Variants in MCC observed in about 807,000 individuals in gnomAD.
The protein encoded by MCC is colorectal mutant cancer protein.
In MCC, 90 loss-of-function variants were observed where a neutral mutation model predicts 116.2. The ratio of observed to expected loss-of-function variants is 0.77; its 90% confidence interval spans 0.65 to 0.92. The LOEUF (loss-of-function observed/expected upper bound fraction) is 0.92. Among genes scored for constraint, MCC ranks in the 40% least tolerant of loss-of-function variants. MCC has a pLI of 0.00. For missense variants in MCC, 1,516 were observed against 1,312.2 expected (o/e 1.16, Z -2.40); for synonymous variants, 578 against 510.5 (o/e 1.13, Z -1.78).
intron 15 of MCC, among the ~76,000 whole-genome samples, chr5:113,049,925 C>T (rs1325935546): frequency 1.3e-5 from 2 of 152,200 alleles, no homozygotes; most frequent in Non-Finnish European, 2.9e-5. Context: ...CAGACAACTT[C>T]TAAAAGTATC....
chr5:113,310,907 A>T (rs1022866225), intron 3 of MCC, among the ~76,000 whole-genome samples: 18 of 152,248 alleles, frequency 1.2e-4, no homozygotes, highest in African/African-American at 3.9e-4. Flanking sequence ...CATTAAAAAA[A>T]TATTTATCAC....
At position 113,084,080 on chromosome 5, in the gene MCC, T is replaced by G. The variant is rs746288509; in HGVS notation, c.1635+21A>C. 1.5e-5 allele frequency: 24 copies of G among 1,606,726 alleles called. 2 individuals carry two copies. In the South Asian group the frequency reaches 2.6e-4, roughly 18 times the overall value. ...TAGCTCTGCCGGGTACTTTCTTGCC[T>G]TGCTTCTCATGAACACTCACCCCTA... is the stretch of plus-strand genomic sequence containing the variant. On this transcript the variant is annotated intron_variant, in intron 10 of 18. Coordinates refer to ENST00000408903, the MANE Select transcript of MCC (RefSeq NM_001085377.2).
chr5:113,388,009 C>T (rs563715162), intron 1 of MCC, among the ~76,000 whole-genome samples: 34 of 152,198 alleles, frequency 2.2e-4, no homozygotes, highest in Non-Finnish European at 4.6e-4. Context: ...CCCACCCTTC[C>T]TCCCTGCTGG....
At chr5:113,075,274 G>A (rs994669678) in intron 11 of MCC, among the ~76,000 whole-genome samples, 12 of 152,234 alleles carry the variant, frequency 7.9e-5, no homozygotes, top group South Asian at 2.1e-4. Context: ...GCCTCCCCGC[G>A]GAGCAGGGCT....
At chr5:113,483,008 AT>A (rs987979837) in intron 1 of MCC, among the ~76,000 whole-genome samples, 140 of 152,044 alleles carry the variant, frequency 9.2e-4, no homozygotes, top group Middle Eastern at 3.4e-3. Context: ...CAAAAAGACT[AT>A]TTTTTCCCCC....
intron 1 of MCC, among the ~76,000 whole-genome samples, chr5:113,468,495 C>G (rs1306231261): frequency 6.6e-6 from 1 of 152,098 alleles, no homozygotes; most frequent in Non-Finnish European, 1.5e-5. Flanking sequence ...TATTGATTTG[C>G]GTATGTTGAA....
chr5:113,350,580 T>C (rs1309405648), intron 2 of MCC, among the ~76,000 whole-genome samples: 1 of 152,074 alleles, frequency 6.6e-6, no homozygotes, highest in Non-Finnish European at 1.5e-5. Flanking sequence ...ACTATGAAAC[T>C]ATAACAAGAA....
chr5:113,210,305 A>AT (rs1763080914), intron 3 of MCC, among the ~76,000 whole-genome samples: 1 of 152,186 alleles, frequency 6.6e-6, no homozygotes. Context: ...ATTCTCTCTT[A>AT]AATATTTATT....
chr5:113,407,416 C>T (rs1197472491), intron 1 of MCC, among the ~76,000 whole-genome samples: 1 of 152,136 alleles, frequency 6.6e-6, no homozygotes, highest in Non-Finnish European at 1.5e-5. Context: ...TATGACTGAA[C>T]CTCTCTCAGT....
intron 2 of MCC, among the ~76,000 whole-genome samples, chr5:113,383,965 T>TCAGAGGTA (rs1362771389): frequency 1.3e-5 from 2 of 152,138 alleles, no homozygotes; most frequent in Non-Finnish European, 2.9e-5. Flanking sequence ...AGAGAAACAA[T>TCAGAGGTA]GAGATCAAAG....
At chr5:113,447,529 G>C (rs2150418522) in intron 1 of MCC, among the ~76,000 whole-genome samples, 1 of 152,236 alleles carries the variant, frequency 6.6e-6, no homozygotes, top group African/African-American at 2.4e-5. Flanking sequence ...AACTGGAAGA[G>C]GTCTTAGAAA....
At chr5:113,307,083 C>T (rs150838385) in intron 3 of MCC, among the ~76,000 whole-genome samples, 33 of 152,244 alleles carry the variant, frequency 2.2e-4, no homozygotes, top group Middle Eastern at 3.4e-3. Context: ...AAAATCAGAA[C>T]GTGTGTTGAG....
At chr5:113,442,331 C>T (rs1771065498) in intron 1 of MCC, among the ~76,000 whole-genome samples, 1 of 152,162 alleles carries the variant, frequency 6.6e-6, no homozygotes. Context: ...TACACTTTGC[C>T]TACCTTTTGA....
At chr5:113,451,428 C>G (rs1318308147) in intron 1 of MCC, among the ~76,000 whole-genome samples, 1 of 152,248 alleles carries the variant, frequency 6.6e-6, no homozygotes, top group East Asian at 1.9e-4. Flanking sequence ...TGTATCATCT[C>G]CATTTCATGG....
chr5:113,211,348 T>C (rs1366552937), intron 3 of MCC, among the ~76,000 whole-genome samples: 1 of 152,240 alleles, frequency 6.6e-6, no homozygotes, highest in Non-Finnish European at 1.5e-5. Flanking sequence ...GTCTATTGTT[T>C]ATAAGCCACC....
At chr5:113,360,235 AC>A (rs1768514595) in intron 2 of MCC, among the ~76,000 whole-genome samples, 1 of 152,228 alleles carries the variant, frequency 6.6e-6, no homozygotes, top group East Asian at 1.9e-4. Context: ...TTCACAAAAA[AC>A]AAAATATTAT....
chr5:113,028,820 T>C, intron 18 of MCC, 114 bp downstream of exon 18: 1 of 1,263,746 alleles, frequency 7.9e-7, no homozygotes, highest in Non-Finnish European at 1.1e-6. Context: ...TTTCTAGAGT[T>C]AGTTCTTAAG....
chr5:113,123,748 T>C (rs2150271307), intron 5 of MCC, among the ~76,000 whole-genome samples: 1 of 152,288 alleles, frequency 6.6e-6, no homozygotes, highest in South Asian at 2.1e-4. Context: ...GGATCTATTT[T>C]GCAAGTGAAC....
intron 3 of MCC, among the ~76,000 whole-genome samples, chr5:113,290,048 C>T (rs1455114698): frequency 2.6e-5 from 4 of 152,192 alleles, no homozygotes; most frequent in Middle Eastern, 3.2e-3. Flanking sequence ...TGATGAACAG[C>T]ACAGCTGCGA....
Sources: gnomAD v4.1 joint callset for allele counts (sites outside exome capture counted in the v4.1 genomes callset) on GRCh38, gnomAD v4.1.1 for gene constraint, MANE v1.5 for transcripts, NCBI Gene and HGNC (gene_info 2026-07-23, HGNC 2026-07-21) for gene names.